RAB27B: variants seen among roughly 807,000 people sequenced by gnomAD.
RAB27B encodes ras-related protein Rab-27B.
Under a neutral mutation model 24.6 loss-of-function variants are expected in RAB27B, and 15 were observed. The ratio of observed to expected loss-of-function variants is 0.61; its 90% confidence interval spans 0.41 to 0.94. The LOEUF is 0.94. Ranked by LOEUF, RAB27B falls within the 40% of genes least tolerant of loss-of-function variation. The pLI is 0.00. For missense variants in RAB27B, 261 were observed against 266.8 expected, an observed-to-expected ratio of 0.98 and a Z score of 0.15; for synonymous variants, 105 against 92.5, an observed-to-expected ratio of 1.14 and a Z score of -0.78.
chr18:54,867,066 A>G (rs1210635205), intron 1 of RAB27B, among the ~76,000 whole-genome samples: 1 of 152,178 alleles, frequency 6.6e-6, no homozygotes, highest in Non-Finnish European at 1.5e-5. Flanking sequence ...GTATTGGGCA[A>G]ATGCCTGAAC....
At position 54,766,538 on chromosome 18, in the gene RAB27B, G is replaced by A. The variant is rs371443212; in HGVS notation, c.-20+48397G>A. Among the ~76,000 whole-genome samples the A allele has an allele frequency of 1.4e-3, 213 of 152,054 alleles. 4 individuals are homozygous for A. The South Asian group carries it at 0.029, about 20-fold the overall frequency. On this transcript the variant is annotated intron_variant, in intron 2 of 4. Coordinates refer to the RAB27B transcript ENST00000586570. ...TGTTTTCCCATTTATTTAATGAAGAGATTAGATTAAATACGTGCTAAAATA... is the reference window on the plus strand; with the variant it reads ...TGTTTTCCCATTTATTTAATGAAGAAATTAGATTAAATACGTGCTAAAATA...
chr18:54,878,227 A>G (rs2145273141), intron 2 of RAB27B, among the ~76,000 whole-genome samples: 1 of 152,306 alleles, frequency 6.6e-6, no homozygotes, highest in South Asian at 2.1e-4. Flanking sequence ...GCTTCTTATG[A>G]ACAGAATGTG....
At position 54,892,146 on chromosome 18, in the gene RAB27B, C is replaced by T. The variant is rs1397029268; in HGVS notation, c.*2733C>T. 1 of 152,048 alleles carries T rather than the reference C, an allele frequency of 6.6e-6. No homozygotes were observed. The highest frequency in any genetic ancestry group is 1.5e-5 in the Non-Finnish European group (1 of 67,976). 9.4% of individuals were successfully genotyped at this position (152,048 alleles called of 1,614,324 possible). On this transcript the variant is annotated 3_prime_UTR_variant, in exon 6 of 6. Transcript: ENST00000262094. Reference sequence around the variant, plus strand: ...ATTTTAGCCAAGATATGTCCTGTTACTAAGTATCTCCCAATGCTTTAGTAA... The same window carrying T: ...ATTTTAGCCAAGATATGTCCTGTTATTAAGTATCTCCCAATGCTTTAGTAA...
chr18:54,765,705 A>G (rs1908339155), intron 2 of RAB27B, among the ~76,000 whole-genome samples: 1 of 152,152 alleles, frequency 6.6e-6, no homozygotes, highest in African/African-American at 2.4e-5. Context: ...AACTTCTTAT[A>G]TCTCCTTCTT....
intron 2 of RAB27B, among the ~76,000 whole-genome samples, chr18:54,746,835 A>C (rs1910264152): frequency 6.6e-6 from 1 of 152,176 alleles, no homozygotes; most frequent in Non-Finnish European, 1.5e-5. Context: ...TATTATACTC[A>C]ATCCACAATT....
rs149013224 is a variant in RAB27B at position 54,791,480 on chromosome 18, C to T, written c.-20+73339C>T. Among the ~76,000 whole-genome samples the T allele has an allele frequency of 8.6e-3, 1,309 of 152,224 alleles. 8 individuals carry two copies. The highest frequency in any genetic ancestry group is 0.014 in the Non-Finnish European group (937 of 68,008). On this transcript the variant is annotated intron_variant, in intron 2 of 4. Coordinates refer to the RAB27B transcript ENST00000586570. ...GTCCCAGCTACTCAGAAAGCTGAGG[C>T]AGGAGGTCACTTGAGCCCAAAAGGT...
In RAB27B at chr18:54,739,915, C is replaced by A. The variant is rs192266106; in HGVS notation, c.-20+21774C>A. On this transcript the variant is annotated intron_variant, in intron 2 of 4. Coordinates refer to the RAB27B transcript ENST00000586570. ...AGCTTATTAGACATTCATATATTTT[C>A]TTTTGAGAAATGTCTACTCAAATCA... Among the ~76,000 whole-genome samples, 463 of 152,294 alleles carry A rather than the reference C, an allele frequency of 3.0e-3. 6 individuals are homozygous for A. The highest frequency in any genetic ancestry group is 0.011 in the African/African-American group (439 of 41,558).
chr18:54,777,335 C>T (rs1908747858), intron 2 of RAB27B, among the ~76,000 whole-genome samples: 1 of 152,282 alleles, frequency 6.6e-6, no homozygotes, highest in Middle Eastern at 3.4e-3. Flanking sequence ...TCTTAGATCT[C>T]TTGGGTACAG....
chr18:54,744,407 A>G (rs931213505), intron 2 of RAB27B, among the ~76,000 whole-genome samples: 2 of 152,220 alleles, frequency 1.3e-5, no homozygotes, highest in African/African-American at 4.8e-5. Flanking sequence ...ACTATATCTC[A>G]TCATTAGCAA....
At chr18:54,873,182 A>T (rs1206806886) in intron 1 of RAB27B, among the ~76,000 whole-genome samples, 1 of 152,206 alleles carries the variant, frequency 6.6e-6, no homozygotes, top group African/African-American at 2.4e-5. Context: ...TCATCCAAAA[A>T]CTGAGGGGCT....
intron 2 of RAB27B, among the ~76,000 whole-genome samples, chr18:54,789,879 T>C (rs1909196290): frequency 6.6e-6 from 1 of 152,162 alleles, no homozygotes; most frequent in African/African-American, 2.4e-5. Context: ...CTACATTTAC[T>C]AAGGTTTTGC....
chr18:54,750,409 G>T (rs1188643570), intron 2 of RAB27B, among the ~76,000 whole-genome samples: 4 of 152,096 alleles, frequency 2.6e-5, no homozygotes, highest in African/African-American at 9.7e-5. Flanking sequence ...TATAGAAATT[G>T]GACCTTCCTT....
At chr18:54,849,478 G>A (rs957677259) in intron 1 of RAB27B, among the ~76,000 whole-genome samples, 6 of 152,312 alleles carry the variant, frequency 3.9e-5, no homozygotes, top group East Asian at 3.9e-4. Context: ...AGCGCTTTGG[G>A]AGGCCGAGGG....
At chr18:54,805,019 A>C (rs1464289774) in intron 2 of RAB27B, among the ~76,000 whole-genome samples, 1 of 92,486 alleles carries the variant, frequency 1.1e-5, no homozygotes, top group Admixed American at 1.1e-4. Flanking sequence ...TCTTTTTTTA[A>C]TTTTTGACTG....
intron 2 of RAB27B, among the ~76,000 whole-genome samples, chr18:54,795,114 C>T (rs1306300907): frequency 1.3e-5 from 2 of 152,102 alleles, no homozygotes; most frequent in African/African-American, 4.8e-5. Context: ...AACTTTCCCA[C>T]TTATGGTTAA....
intron 2 of RAB27B, among the ~76,000 whole-genome samples, chr18:54,787,406 G>A (rs1909120996): frequency 6.6e-6 from 1 of 152,162 alleles, no homozygotes; most frequent in African/African-American, 2.4e-5. Context: ...ATTTTCAAAA[G>A]GGGAAGGAGC....
intron 2 of RAB27B, among the ~76,000 whole-genome samples, chr18:54,799,552 AC>A (rs1264553037): frequency 6.6e-6 from 1 of 151,700 alleles, no homozygotes; most frequent in East Asian, 1.9e-4. Context: ...TACTTTTATT[AC>A]AAAAGCAAGG....
intron 2 of RAB27B, 137 bp from the exon 3 acceptor site, chr18:54,879,232 A>T: frequency 1.5e-6 from 1 of 667,080 alleles, no homozygotes; most frequent in Non-Finnish European, 2.6e-6. Flanking sequence ...TTCTGGAAAA[A>T]AATAAAGCAA....
intron 1 of RAB27B, among the ~76,000 whole-genome samples, chr18:54,871,790 C>T (rs953874675): frequency 1.5e-5 from 2 of 137,342 alleles, no homozygotes; most frequent in East Asian, 2.1e-4. Flanking sequence ...GCGGAGCCTG[C>T]AGTGAGCCTT....
Sources: allele counts gnomAD v4.1 joint callset (sites outside exome capture counted in the v4.1 genomes callset), GRCh38; gene constraint gnomAD v4.1.1; transcripts MANE v1.5; gene names NCBI Gene and HGNC (gene_info 2026-07-23, HGNC 2026-07-21).